Variants in ACTN1 observed in about 807,000 individuals in gnomAD.
ACTN1 encodes the protein actinin alpha 1.
A neutral mutation model predicts 119.6 loss-of-function variants in ACTN1; 30 were observed. The observed-to-expected ratio is 0.25, with a 90% CI of 0.19 to 0.34. ACTN1 has a LOEUF of 0.34. Ranked by LOEUF, ACTN1 falls within the 10% of genes least tolerant of loss-of-function variation. ACTN1 has a pLI of 1.00. For synonymous variants in ACTN1, 429 were observed against 472.6 expected (o/e 0.91, Z 1.20); for missense variants, 764 against 1,223.4 (o/e 0.62, Z 5.60).
At chr14:68,911,679 G>A (rs934596382) in intron 4 of ACTN1, among the ~76,000 whole-genome samples, 1 of 152,206 alleles carries the variant, frequency 6.6e-6, no homozygotes, top group Non-Finnish European at 1.5e-5. Context: ...TACAGGCATA[G>A]CAGACATAAA....
At chr14:68,898,170 C>G (rs1271680343) in intron 8 of ACTN1, among the ~76,000 whole-genome samples, 1 of 152,182 alleles carries the variant, frequency 6.6e-6, no homozygotes, top group African/African-American at 2.4e-5. Flanking sequence ...TCTCTCAGAT[C>G]GAGTCCAAGC....
chr14:68,921,208 AAG>A (rs2034626652), intron 2 of ACTN1, 83 bp from the exon 3 acceptor site: 3 of 1,545,050 alleles, frequency 1.9e-6, no homozygotes, highest in East Asian at 4.6e-5. Flanking sequence ...CCCTCATCCA[AAG>A]CACAGCTTAG....
intron 21 of ACTN1, 59 bp downstream of exon 21, chr14:68,877,023 G>T: frequency 6.3e-7 from 1 of 1,594,080 alleles, no homozygotes; most frequent in South Asian, 1.1e-5. Context: ...CACCCCTTTA[G>T]ATCACAGTCC....
chr14:68,875,016 T>C lies in ACTN1; in HGVS notation c.2588A>G (p.Asn863Ser), dbSNP rs778223053. 1 of 1,613,088 alleles carries C rather than the reference T, an allele frequency of 6.2e-7. No homozygotes were observed. Among genetic ancestry groups the C allele is most frequent in the Non-Finnish European group, 8.5e-7 (1 of 1,179,998 alleles). Residue 863 changes from asparagine to serine, a missense_variant and splice_region_variant, in exon 22 of 22, where the codon AAC (asparagine) becomes AGC (serine). By Grantham distance (46) the Asn-to-Ser change is conservative. This residue lies in a region of ACTN1 where 102 missense variants were observed against 78.2 expected (regional missense o/e 1.30). Transcript: ENST00000394419. ...ASFKILAGDKNYITMDELRRE... is the reference protein window; with the variant it reads ...ASFKILAGDKSYITMDELRRE... ...GCGCAGCTCGTCCATGGTAATGTAG[T>C]TCTGCGAGGAGAGAGTGGTCAGGAA...
intron 1 of ACTN1, among the ~76,000 whole-genome samples, chr14:68,927,937 T>C (rs1007918029): frequency 5.9e-5 from 9 of 152,180 alleles, no homozygotes; most frequent in African/African-American, 2.2e-4. Context: ...TTTTCTCATT[T>C]ATCACCATCT....
chr14:68,975,084 G>A (rs2037016855), intron 1 of ACTN1, among the ~76,000 whole-genome samples: 1 of 152,202 alleles, frequency 6.6e-6, no homozygotes, highest in Admixed American at 6.5e-5. Flanking sequence ...ACCTTGACTG[G>A]TGGCCTTGGC....
At position 68,885,300 on chromosome 14, in the gene ACTN1, C is replaced by T. The variant is rs975756680; in HGVS notation, c.1385+125G>A. 2.3e-6 allele frequency: 3 copies of T among 1,287,126 alleles called. No homozygotes were observed. The highest frequency in any genetic ancestry group is 3.0e-5 in the African/African-American group (2 of 67,046). 79.7% of individuals were successfully genotyped at this position (1,287,126 alleles called of 1,614,324 possible). A position where few individuals can be genotyped will look rare whatever the true frequency, so the allele number is the denominator to read the frequency against. Reference sequence around the variant, plus strand: ...TTGTCTCCTGCGTTGACTCCCTCCCCACCTGGGCACCCACCTGTACCCACC... The same window carrying T: ...TTGTCTCCTGCGTTGACTCCCTCCCTACCTGGGCACCCACCTGTACCCACC... On this transcript the variant is annotated intron_variant, in intron 12 of 21. Coordinates refer to ENST00000394419, the MANE Select transcript of ACTN1 (RefSeq NM_001130004.2). This position sits in a 1 kb window ranked among gnomAD's most constrained non-coding sequence, Gnocchi z 5.6.
intron 1 of ACTN1, among the ~76,000 whole-genome samples, chr14:68,972,052 C>A (rs1434367364): frequency 6.6e-6 from 1 of 152,142 alleles, no homozygotes; most frequent in Non-Finnish European, 1.5e-5. Flanking sequence ...CCTGCCAACC[C>A]TGGGGAGAGC....
chr14:68,889,016 CAG>C lies in ACTN1; in HGVS notation c.1234+1121_1234+1122del, dbSNP rs531026388. 5.0e-4 allele frequency among the ~76,000 whole-genome samples: 76 copies of C among 152,240 alleles called. 2 individuals carry two copies. The highest frequency in any genetic ancestry group is 1.7e-3 in the African/African-American group (69 of 41,530). ...AACCTAAGATCTGAGGAGTACAAAA[CAG>C]GGCTGACTGGGGGAGTCTTAGGGCA... On this transcript the variant is annotated intron_variant, in intron 11 of 21. Coordinates refer to ENST00000394419, the MANE Select transcript of ACTN1 (RefSeq NM_001130004.2).
intron 8 of ACTN1, among the ~76,000 whole-genome samples, chr14:68,901,768 T>C (rs375473285): frequency 8.5e-5 from 13 of 152,198 alleles, no homozygotes; most frequent in Non-Finnish European, 5.9e-5. Context: ...GTGGAACCCC[T>C]GTGTGGTGCA....
chr14:68,971,442 T>C (rs77049690), intron 1 of ACTN1, among the ~76,000 whole-genome samples: 24,246 of 152,162 alleles, frequency 0.16, 2,034 homozygotes, highest in Middle Eastern at 0.19. Flanking sequence ...AGTGTTTACA[T>C]TTACCTCCGA....
intron 8 of ACTN1, among the ~76,000 whole-genome samples, chr14:68,896,314 G>T (rs2032874798): frequency 6.6e-6 from 1 of 152,096 alleles, no homozygotes; most frequent in African/African-American, 2.4e-5. Context: ...TGGGTGGTGA[G>T]TTGGACCTGC....
At chr14:68,890,309 G>A in intron 10 of ACTN1, 23 bp from the exon 11 acceptor site, 2 of 1,613,512 alleles carry the variant, frequency 1.2e-6, no homozygotes, top group Non-Finnish European at 1.7e-6. Flanking sequence ...GAGGTACAGG[G>A]TCAGGGTCTG....
chr14:68,912,257 G>A lies in ACTN1; in HGVS notation c.341-15C>T. ...ATCCACGATTTCTACAGAAACAGCA[G>A]CAGCACACATCAGAAAGGGCCTCAG... On this transcript the variant is annotated splice_polypyrimidine_tract_variant and intron_variant, in intron 3 of 21. Transcript: ENST00000394419. The A allele has an allele frequency of 6.2e-7, 1 of 1,611,340 alleles. No individual in the cohort carries two copies. Among genetic ancestry groups the A allele is most frequent in the Non-Finnish European group, 8.5e-7 (1 of 1,177,490 alleles).
intron 2 of ACTN1, 183 bp from the exon 3 acceptor site, chr14:68,921,308 G>T: frequency 1.5e-6 from 1 of 650,660 alleles, no homozygotes; most frequent in Non-Finnish European, 2.4e-6. Context: ...CAGGGAATGA[G>T]AGGGAGAATC....
rs2035303292 is a variant in ACTN1, at chr14:68,933,105, C to A, written c.106-7433G>T. Reference sequence around the variant, plus strand: ...GCACAAGGAGGGGTCAAGTGTAGGACAAGTTAGTCCTTACCTCCTTGTATT... The same window carrying A: ...GCACAAGGAGGGGTCAAGTGTAGGAAAAGTTAGTCCTTACCTCCTTGTATT... On this transcript the variant is annotated intron_variant, in intron 1 of 21. Transcript: ENST00000394419. Among the ~76,000 whole-genome samples the A allele has an allele frequency of 2.0e-5, 3 of 152,028 alleles. No individual in the cohort carries two copies. In the South Asian group the frequency reaches 6.2e-4, roughly 32 times the overall value.
At position 68,921,064 on chromosome 14, in the gene ACTN1, G is replaced by A. The variant is rs137965016; in HGVS notation, c.282C>T (p.Asn94=). The A allele has an allele frequency of 4.3e-6, 7 of 1,614,112 alleles. No homozygotes were observed. The African/African-American group carries it at 8.0e-5, about 18-fold the overall frequency. Residue 94 remains asparagine (N), a synonymous_variant, in exon 3 of 22, where the codon AAC becomes AAT. Transcript: ENST00000394419. ...TGCTGGCTATGAAATCCAGGGCCTTGTTGACGTTGGAGATCTTGTGCACTC... is the reference window on the plus strand; with the variant it reads ...TGCTGGCTATGAAATCCAGGGCCTTATTGACGTTGGAGATCTTGTGCACTC... ...KMRVHKISNV[N]KALDFIASKG... is the part of the protein sequence containing the mutation.
At chr14:68,906,993 C>T (rs2033701730) in intron 6 of ACTN1, among the ~76,000 whole-genome samples, 1 of 150,882 alleles carries the variant, frequency 6.6e-6, no homozygotes, top group African/African-American at 2.4e-5. Flanking sequence ...AGAAGGGGGG[C>T]TGGGCGCGGT....
At chr14:68,924,222 C>T (rs1192383801) in intron 2 of ACTN1, among the ~76,000 whole-genome samples, 1 of 152,102 alleles carries the variant, frequency 6.6e-6, no homozygotes, top group Non-Finnish European at 1.5e-5. Flanking sequence ...AGTGCATGCC[C>T]TTAATACCGC....
Sources: allele counts gnomAD v4.1 joint callset (sites outside exome capture counted in the v4.1 genomes callset), GRCh38; gene constraint gnomAD v4.1.1; regional missense constraint gnomAD v4.1.1; non-coding constraint Gnocchi (gnomAD v3.1); transcripts MANE v1.5; gene names NCBI Gene and HGNC (gene_info 2026-07-23, HGNC 2026-07-21).